MALRD1: variants seen among roughly 807,000 people sequenced by gnomAD.
The protein encoded by MALRD1 is MAM and LDL receptor class A domain containing 1, also known as MAM and LDL-receptor class A domain-containing protein 1.
MALRD1 carries 247 observed loss-of-function variants against 242.1 expected under a neutral mutation model. The observed-to-expected ratio is 1.02, with a 90% confidence interval of 0.92 to 1.13. The LOEUF is 1.13. Ranked by LOEUF, MALRD1 falls within the 50% of genes most tolerant of loss-of-function variation. The pLI, the probability that MALRD1 is intolerant of heterozygous loss-of-function variation, is 0.00. For missense variants in MALRD1, 2,989 were observed against 2,533.1 expected, an observed-to-expected ratio of 1.18 and a Z score of -3.86; for synonymous variants, 995 against 866.6, an observed-to-expected ratio of 1.15 and a Z score of -2.60.
At chr10:19,070,891 G>T (rs546863250) in intron 2 of MALRD1, among the ~76,000 whole-genome samples, 14 of 118,958 alleles carry the variant, frequency 1.2e-4, no homozygotes, top group African/African-American at 3.6e-4. Flanking sequence ...TGGCTCTGTT[G>T]CCCAAGCTGG....
intron 5 of MALRD1, 41 bp from the exon 6 acceptor site, chr10:19,123,451 G>A: frequency 8.9e-7 from 1 of 1,120,526 alleles, no homozygotes; most frequent in Non-Finnish European, 1.1e-6. Flanking sequence ...CTTTCCAGTT[G>A]CACCTGCATT....
intron 28 of MALRD1, among the ~76,000 whole-genome samples, chr10:19,444,712 C>T (rs914100499): frequency 1.3e-5 from 2 of 152,174 alleles, no homozygotes; most frequent in South Asian, 2.1e-4. Flanking sequence ...TCGTGGGTAA[C>T]CCAACCTTTC....
chr10:19,171,142 C>A, intron 13 of MALRD1, among the ~76,000 whole-genome samples: 1 of 151,148 alleles, frequency 6.6e-6, no homozygotes, highest in Non-Finnish European at 1.5e-5. Context: ...TTTTGTGGTT[C>A]CTAAAAGCAA....
chr10:19,577,257 A>G (rs1041497307), intron 33 of MALRD1, among the ~76,000 whole-genome samples: 1 of 152,186 alleles, frequency 6.6e-6, no homozygotes, highest in Non-Finnish European at 1.5e-5. Context: ...TTATTGGATT[A>G]TAGAATATTA....
chr10:19,260,971 G>A (rs1051626254), intron 19 of MALRD1, among the ~76,000 whole-genome samples: 1 of 152,134 alleles, frequency 6.6e-6, no homozygotes, highest in African/African-American at 2.4e-5. Flanking sequence ...ACAAAATTAA[G>A]GATCGGACTG....
At chr10:19,617,822 G>A (rs1393566896) in intron 36 of MALRD1, among the ~76,000 whole-genome samples, 2 of 152,046 alleles carry the variant, frequency 1.3e-5, no homozygotes, top group Non-Finnish European at 2.9e-5. Flanking sequence ...GTTTACTTAT[G>A]TAACAAACCT....
intron 28 of MALRD1, among the ~76,000 whole-genome samples, chr10:19,419,968 T>C (rs889055548): frequency 6.6e-6 from 1 of 152,196 alleles, no homozygotes; most frequent in African/African-American, 2.4e-5. Flanking sequence ...CAAAGTGTTA[T>C]ATGTAAAGTT....
chr10:19,583,433 AG>A (rs1234944051), intron 33 of MALRD1, among the ~76,000 whole-genome samples: 12 of 150,638 alleles, frequency 8.0e-5, no homozygotes, highest in South Asian at 2.1e-4. Flanking sequence ...TTTAGCATGA[AG>A]GGTTGTTGAA....
At chr10:19,502,012 CA>C (rs1181159875) in intron 31 of MALRD1, among the ~76,000 whole-genome samples, 38 of 40,348 alleles carry the variant, frequency 9.4e-4, no homozygotes, top group South Asian at 2.2e-3. Context: ...GATTCTGTCT[CA>C]AAAAAAAAAA....
At chr10:19,632,321 A>G (rs959830797) in intron 36 of MALRD1, among the ~76,000 whole-genome samples, 3 of 152,052 alleles carry the variant, frequency 2.0e-5, no homozygotes, top group African/African-American at 4.8e-5. Flanking sequence ...CCACCTTCCA[A>G]TCTCCAGTTG....
At chr10:19,591,896 A>T (rs978633654) in intron 33 of MALRD1, among the ~76,000 whole-genome samples, 8 of 152,218 alleles carry the variant, frequency 5.3e-5, no homozygotes, top group African/African-American at 1.9e-4. Context: ...TGATTACTGA[A>T]AGGAAACCAC....
intron 38 of MALRD1, among the ~76,000 whole-genome samples, chr10:19,699,624 T>C (rs1833530675): frequency 6.6e-6 from 1 of 152,076 alleles, no homozygotes; most frequent in Non-Finnish European, 1.5e-5. Flanking sequence ...AAAAGATGTT[T>C]AATTGGCTCA....
chr10:19,280,263 A>T, intron 20 of MALRD1, 40 bp downstream of exon 20: 1 of 1,398,162 alleles, frequency 7.2e-7, no homozygotes, highest in Non-Finnish European at 9.4e-7. Flanking sequence ...ACTGCTACAA[A>T]ATAGAAAATG....
rs1377530246 is a variant in MALRD1 at position 19,204,349 on chromosome 10, C to T, written c.2146C>T (p.Gln716Ter). 6.5e-7 allele frequency: 1 copy of T among 1,539,890 alleles called. No homozygotes were observed. The highest frequency in any genetic ancestry group is 8.8e-7 in the Non-Finnish European group (1 of 1,142,578). The change falls in exon 16 of 40, where the codon CAA (glutamine) becomes TAA (stop). Residue 716 changes from glutamine to a stop codon, truncating the protein, a stop_gained. Coordinates refer to ENST00000454679, the MANE Select transcript of MALRD1 (RefSeq NM_001142308.3). LOFTEE classifies it high-confidence loss of function. ...TCTGAAGAAAAGCAGCAGCTTGTGG[C>T]AAGTTGCTAAGCTTCAGAGCCCAAC... ...FILKKSSSLW[Q>*]VAKLQSPTFS...
intron 29 of MALRD1, among the ~76,000 whole-genome samples, chr10:19,452,757 C>T (rs892302807): frequency 1.3e-5 from 2 of 152,154 alleles, no homozygotes; most frequent in African/African-American, 4.8e-5. Flanking sequence ...CACTAAGTTG[C>T]TTTCTGCAGT....
chr10:19,216,802 T>G (rs1310446074), intron 18 of MALRD1, among the ~76,000 whole-genome samples: 1 of 151,628 alleles, frequency 6.6e-6, no homozygotes, highest in Non-Finnish European at 1.5e-5. Context: ...AAAAATTAGC[T>G]GGGCGTGGTG....
chr10:19,127,595 T>C (rs1472377398), intron 7 of MALRD1, among the ~76,000 whole-genome samples: 4 of 152,278 alleles, frequency 2.6e-5, no homozygotes, highest in South Asian at 2.1e-4. Flanking sequence ...AATCTCTTTA[T>C]AAATCTGTGT....
At chr10:19,283,982 C>T (rs1408545199) in intron 21 of MALRD1, among the ~76,000 whole-genome samples, 1 of 152,112 alleles carries the variant, frequency 6.6e-6, no homozygotes, top group Non-Finnish European at 1.5e-5. Context: ...GTGTTAACTG[C>T]TACACAGCAG....
chr10:19,099,031 A>G (rs1213384981), intron 4 of MALRD1, among the ~76,000 whole-genome samples: 5 of 152,182 alleles, frequency 3.3e-5, no homozygotes, highest in Non-Finnish European at 7.4e-5. Flanking sequence ...TTTATTATGC[A>G]AATGGGTTCT....
Sources: gnomAD v4.1 joint callset for allele counts (sites outside exome capture counted in the v4.1 genomes callset) on GRCh38, gnomAD v4.1.1 for gene constraint, MANE v1.5 for transcripts, NCBI Gene and HGNC (gene_info 2026-07-23, HGNC 2026-07-21) for gene names.